The following STXBP5L variants were observed in gnomAD, a reference collection of about 807,000 sequenced individuals.
STXBP5L encodes syntaxin-binding protein 5-like.
A neutral mutation model predicts 144.5 loss-of-function variants in STXBP5L; 65 were observed. The ratio of observed to expected loss-of-function variants is 0.45; its 90% CI spans 0.37 to 0.55. The LOEUF (loss-of-function observed/expected upper bound fraction) is 0.55, where lower values mean the gene tolerates loss of function less well. Among genes scored for constraint, STXBP5L ranks in the 20% least tolerant of loss-of-function variants. The pLI is 0.00. For synonymous variants in STXBP5L, 505 were observed against 469.6 expected (o/e 1.08, Z -0.97); for missense variants, 1,298 against 1,405.5 (o/e 0.92, Z 1.22).
intron 3 of STXBP5L, among the ~76,000 whole-genome samples, chr3:120,991,626 A>G (rs1490380835): frequency 2.6e-5 from 4 of 152,224 alleles, no homozygotes; most frequent in Non-Finnish European, 5.9e-5. Context: ...TGTGGCACAT[A>G]TACACCATGG....
intron 3 of STXBP5L, among the ~76,000 whole-genome samples, chr3:120,966,971 G>A (rs1464286241): frequency 6.6e-6 from 1 of 152,066 alleles, no homozygotes. Context: ...TAGCTTCCTG[G>A]TTGCTTTGTT....
intron 1 of STXBP5L, chr3:120,909,299 CTGG>C (rs1708701909): frequency 1.2e-5 from 4 of 330,754 alleles, no homozygotes; most frequent in Non-Finnish European, 1.7e-5. Context: ...GTAGTTACAG[CTGG>C]GGATACAGTC....
At chr3:121,341,832 TAGAG>T (rs1327492207) in intron 20 of STXBP5L, among the ~76,000 whole-genome samples, 1 of 151,488 alleles carries the variant, frequency 6.6e-6, no homozygotes, top group Non-Finnish European at 1.5e-5. Context: ...CTCGTGGACA[TAGAG>T]AGATACTAGA....
At chr3:120,971,547 G>A (rs1940254167) in intron 3 of STXBP5L, among the ~76,000 whole-genome samples, 1 of 151,550 alleles carries the variant, frequency 6.6e-6, no homozygotes, top group Non-Finnish European at 1.5e-5. Flanking sequence ...CACATCTTAG[G>A]ATAGTGGCCT....
In STXBP5L at chr3:121,115,074, G is replaced by A. The variant is rs2044171780; in HGVS notation, c.605+15G>A. ...GCAATTGAACTGTAAGTTTGAACTT[G>A]GATATCACTTTATTGGCTTAAATAC... On this transcript the variant is annotated intron_variant, in intron 6 of 26. Transcript: ENST00000471454. The A allele has an allele frequency of 5.0e-6, 8 of 1,596,724 alleles. No homozygotes were observed. Among genetic ancestry groups the A allele is most frequent in the Non-Finnish European group, 6.0e-6 (7 of 1,173,978 alleles).
intron 20 of STXBP5L, among the ~76,000 whole-genome samples, chr3:121,359,416 CT>C (rs1434717487): frequency 6.6e-6 from 1 of 151,892 alleles, no homozygotes; most frequent in Non-Finnish European, 1.5e-5. Flanking sequence ...TGTTTCTTCA[CT>C]TTGTTGATTG....
intron 18 of STXBP5L, among the ~76,000 whole-genome samples, chr3:121,266,213 G>A (rs999966927): frequency 8.5e-5 from 13 of 152,202 alleles, no homozygotes; most frequent in Middle Eastern, 3.4e-3. Context: ...GATGAACATC[G>A]ATGCGAAAAT....
intron 9 of STXBP5L, among the ~76,000 whole-genome samples, chr3:121,191,588 C>A (rs2047686771): frequency 1.3e-5 from 2 of 151,754 alleles, no homozygotes. Flanking sequence ...TTTTCCAATT[C>A]TGTGAAGAAA....
At chr3:121,347,028 A>G (rs957152427) in intron 20 of STXBP5L, among the ~76,000 whole-genome samples, 1 of 152,200 alleles carries the variant, frequency 6.6e-6, no homozygotes, top group Admixed American at 6.5e-5. Context: ...GTCCTTGCCC[A>G]TGCCTATGTC....
intron 3 of STXBP5L, among the ~76,000 whole-genome samples, chr3:120,969,615 C>T (rs1940009076): frequency 6.6e-6 from 1 of 151,664 alleles, no homozygotes; most frequent in Non-Finnish European, 1.5e-5. Context: ...TGAATTCTTG[C>T]CTAAGTCAAT....
intron 11 of STXBP5L, among the ~76,000 whole-genome samples, chr3:121,227,268 C>T (rs2049150590): frequency 1.3e-5 from 2 of 152,166 alleles, no homozygotes; most frequent in African/African-American, 4.8e-5. Flanking sequence ...TTATCAATTA[C>T]TTAATTTCAT....
At chr3:120,933,705 A>G (rs1421999477) in intron 2 of STXBP5L, among the ~76,000 whole-genome samples, 1 of 152,150 alleles carries the variant, frequency 6.6e-6, no homozygotes. Context: ...GCATAGGCAG[A>G]GATTAATATT....
chr3:121,066,747 A>T (rs544586324), intron 5 of STXBP5L, among the ~76,000 whole-genome samples: 1 of 151,898 alleles, frequency 6.6e-6, no homozygotes, highest in South Asian at 2.1e-4. Flanking sequence ...TGAATGGGGG[A>T]TGTTTCCTTT....
chr3:120,986,128 T>G (rs1942265218), intron 3 of STXBP5L, among the ~76,000 whole-genome samples: 1 of 151,988 alleles, frequency 6.6e-6, no homozygotes, highest in Admixed American at 6.6e-5. Flanking sequence ...TCTATTTCCC[T>G]TCATATTTCT....
intron 20 of STXBP5L, among the ~76,000 whole-genome samples, chr3:121,320,239 T>G (rs1332322121): frequency 2.0e-5 from 3 of 152,186 alleles, no homozygotes; most frequent in Non-Finnish European, 4.4e-5. Flanking sequence ...TTCATTAAAT[T>G]TATTCCTTTG....
chr3:121,201,190 G>A (rs1559857844), intron 9 of STXBP5L, among the ~76,000 whole-genome samples: 1 of 152,102 alleles, frequency 6.6e-6, no homozygotes, highest in African/African-American at 2.4e-5. Context: ...CCCAGTATGT[G>A]GATACCACTG....
At chr3:120,939,781 T>C (rs951508073) in intron 2 of STXBP5L, among the ~76,000 whole-genome samples, 1 of 152,152 alleles carries the variant, frequency 6.6e-6, no homozygotes, top group African/African-American at 2.4e-5. Flanking sequence ...CAAGTGTCTA[T>C]AGGTATTTAA....
intron 19 of STXBP5L, among the ~76,000 whole-genome samples, chr3:121,309,533 A>G (rs933945731): frequency 1.3e-5 from 2 of 152,124 alleles, no homozygotes; most frequent in African/African-American, 4.8e-5. Flanking sequence ...AAAGTCAATA[A>G]TAATTGTTGG....
chr3:121,002,343 T>C (rs1943852868), intron 3 of STXBP5L, among the ~76,000 whole-genome samples: 1 of 152,340 alleles, frequency 6.6e-6, no homozygotes, highest in South Asian at 2.1e-4. Context: ...GTCCATCTGT[T>C]GTGTGTCTTC....
Sources: allele counts gnomAD v4.1 joint callset (sites outside exome capture counted in the v4.1 genomes callset), GRCh38; gene constraint gnomAD v4.1.1; transcripts MANE v1.5; gene names NCBI Gene and HGNC (gene_info 2026-07-23, HGNC 2026-07-21).